MASTL: variants seen among roughly 807,000 people sequenced by gnomAD.
MASTL encodes microtubule associated serine/threonine kinase like, also known as serine/threonine-protein kinase greatwall.
A neutral mutation model predicts 82.5 loss-of-function variants in MASTL; 54 were observed. The observed-to-expected ratio is 0.65, with a 90% CI of 0.53 to 0.82. The LOEUF (loss-of-function observed/expected upper bound fraction) is 0.82. Among genes scored for constraint, MASTL ranks in the 40% least tolerant of loss-of-function variants. The pLI is 0.00. For synonymous variants in MASTL, 323 were observed against 368.9 expected (o/e 0.88, Z 1.43); for missense variants, 950 against 1,047.8 (o/e 0.91, Z 1.29).
chr10:27,162,730 A>G (rs182721185), intron 4 of MASTL, among the ~76,000 whole-genome samples: 3 of 152,246 alleles, frequency 2.0e-5, no homozygotes, highest in Admixed American at 2.0e-4. Flanking sequence ...GAAAGTATTA[A>G]TAATGAAAAT....
intron 7 of MASTL, among the ~76,000 whole-genome samples, chr10:27,167,631 T>C (rs1291888560): frequency 6.6e-6 from 1 of 152,226 alleles, no homozygotes. Context: ...TTAACCTATG[T>C]CATTTAAAAA....
At position 27,174,891 on chromosome 10, in the gene MASTL, G is replaced by A. The variant is rs543816407; in HGVS notation, c.2266+1632G>A. On this transcript the variant is annotated intron_variant, in intron 9 of 11. Transcript: ENST00000375940. ...GGACTTAAACATAGCTTTTTTGGGA[G>A]GGACACAGTTCAACCCATAACATCA... Among the ~76,000 whole-genome samples the A allele has an allele frequency of 2.0e-5, 3 of 152,104 alleles. No homozygotes were observed. The South Asian group carries it at 6.2e-4, about 32-fold the overall frequency.
intron 9 of MASTL, among the ~76,000 whole-genome samples, chr10:27,178,878 A>T (rs1299159740): frequency 6.6e-6 from 1 of 152,126 alleles, no homozygotes; most frequent in Admixed American, 6.6e-5. Context: ...ATGTTTTTAT[A>T]GTATTATAGA....
At position 27,181,541 on chromosome 10, in the gene MASTL, A is replaced by G. The variant is rs375011838; in HGVS notation, c.2442A>G (p.Ile814Met). The G allele has an allele frequency of 9.3e-6, 15 of 1,613,012 alleles. No individual in the cohort carries two copies. The highest frequency in any genetic ancestry group is 1.6e-4 in the Middle Eastern group (1 of 6,078). ...LSDNAQSAVE[I>M]LLTIDDTKRA... ...ATAATGCTCAAAGTGCAGTAGAAAT[A>G]CTTTTAACCATTGATGATACAAAGA... The change falls in exon 11 of 12, where the codon ATA becomes ATG. Residue 814 changes from isoleucine to methionine, a missense_variant. Physicochemically the swap from Ile to Met is conservative, Grantham distance 10. Transcript: ENST00000375940.
At position 27,170,857 on chromosome 10, in the gene MASTL, A is replaced by G. The variant is rs2057909157; in HGVS notation, c.1898A>G (p.Gln633Arg). The change falls in exon 8 of 12, where the codon CAA becomes CGA. Residue 633 changes from glutamine (Q) to arginine (R), a missense_variant. Coordinates refer to ENST00000375940, the MANE Select transcript of MASTL (RefSeq NM_001172303.3). ...VENPAVQESNQKMLGPPLEVL... is the reference protein window; with the variant it reads ...VENPAVQESNRKMLGPPLEVL... ...AACCCTGCTGTACAAGAGAGTAACCAAAAAATGTTAGGTCCTCCTTTGGAG... is the reference window on the plus strand; with the variant it reads ...AACCCTGCTGTACAAGAGAGTAACCGAAAAATGTTAGGTCCTCCTTTGGAG... 18 of 1,614,036 alleles carry G rather than the reference A, an allele frequency of 1.1e-5. No homozygotes were observed. Among genetic ancestry groups the G allele is most frequent in the Non-Finnish European group, 1.5e-5 (18 of 1,180,002 alleles).
chr10:27,176,262 C>G (rs2058099308), intron 9 of MASTL, among the ~76,000 whole-genome samples: 1 of 152,204 alleles, frequency 6.6e-6, no homozygotes, highest in African/African-American at 2.4e-5. Context: ...TCATTTTCTT[C>G]TCTGCCACTG....
At chr10:27,169,808 A>AT (rs2057861831) in intron 7 of MASTL, 136 bp from the exon 8 acceptor site, 1 of 763,538 alleles carries the variant, frequency 1.3e-6, no homozygotes, top group Non-Finnish European at 2.1e-6. Flanking sequence ...TCTGTTGTTT[A>AT]TTTTTTCCAT....
intron 1 of MASTL, among the ~76,000 whole-genome samples, chr10:27,156,694 T>C (rs2057395885): frequency 6.6e-6 from 1 of 150,700 alleles, no homozygotes; most frequent in South Asian, 2.1e-4. Flanking sequence ...TTAGCCGAGA[T>C]TGAATTTAGC....
chr10:27,158,678 G>A lies in MASTL; in HGVS notation c.316G>A (p.Val106Ile). 6.2e-7 allele frequency: 1 copy of A among 1,613,978 alleles called. No individual in the cohort carries two copies. The highest frequency in any genetic ancestry group is 8.5e-7 in the Non-Finnish European group (1 of 1,179,884). Residue 106 changes from valine (V) to isoleucine (I), a missense_variant, in exon 2 of 12, where the codon GTC becomes ATC. Coordinates refer to ENST00000375940, the MANE Select transcript of MASTL (RefSeq NM_001172303.3). ...TTATTCACTGCAGTCTGCAAACAAT[G>A]TCTACTTGGTGAGTAAATAATTTTT... ...LYYSLQSANN[V>I]YLVMEYLIGG... is the part of the protein sequence containing the mutation.
Position 27,181,059 on chromosome 10 carries a change from G to A in MASTL, c.2373G>A (p.Leu791=), listed in dbSNP as rs2058261713. The change falls in exon 10 of 12, where the codon CTG becomes CTA. Residue 791 remains leucine (L), a synonymous_variant. Coordinates refer to ENST00000375940, the MANE Select transcript of MASTL (RefSeq NM_001172303.3). ...CACAACAAGTATTCCAGAATATTCT[G>A]AAAAGAGGTGATTCTTTTTCTCCTA... ...ETPQQVFQNI[L]KRDIPWPEGE... 6.3e-7 allele frequency: 1 copy of A among 1,575,698 alleles called. No individual in the cohort carries two copies. The highest frequency in any genetic ancestry group is 1.7e-5 in the Admixed American group (1 of 59,932).
At chr10:27,157,998 G>C (rs1366228473) in intron 1 of MASTL, among the ~76,000 whole-genome samples, 2 of 152,092 alleles carry the variant, frequency 1.3e-5, no homozygotes, top group Non-Finnish European at 2.9e-5. Context: ...TTAATATGCA[G>C]GGCAGTCTGG....
intron 1 of MASTL, among the ~76,000 whole-genome samples, chr10:27,156,831 T>G (rs1349893473): frequency 1.8e-5 from 2 of 113,488 alleles, no homozygotes; most frequent in Non-Finnish European, 3.6e-5. Flanking sequence ...TGCTATGAAT[T>G]TTTTTTTTTT....
intron 4 of MASTL, among the ~76,000 whole-genome samples, chr10:27,163,296 G>T (rs12266154): frequency 0.1 from 15,326 of 152,110 alleles, 2,530 homozygotes; most frequent in African/African-American, 0.35. Context: ...ATAATATGCA[G>T]TATATTTACC....
At position 27,170,770 on chromosome 10, in the gene MASTL, T is replaced by C. The variant is rs2057905370; in HGVS notation, c.1811T>C (p.Ile604Thr). 2 of 1,614,122 alleles carry C rather than the reference T, an allele frequency of 1.2e-6. No homozygotes were observed. The highest frequency in any genetic ancestry group is 1.7e-6 in the Non-Finnish European group (2 of 1,180,000). The change falls in exon 8 of 12, where the codon ATT becomes ACT. Residue 604 changes from isoleucine to threonine, a missense_variant. By Grantham distance (89) the Ile-to-Thr change is moderately conservative (BLOSUM62 -1). Coordinates refer to ENST00000375940, the MANE Select transcript of MASTL (RefSeq NM_001172303.3). ...IKESSFEESN[I>T]EDPLIVTPDC... is the part of the protein sequence containing the mutation. ...GAATCCTCTTTTGAAGAATCAAATA[T>C]TGAAGATCCACTTATTGTAACACCA...
At chr10:27,171,491 A>G (rs1846243060) in intron 8 of MASTL, among the ~76,000 whole-genome samples, 1 of 151,134 alleles carries the variant, frequency 6.6e-6, no homozygotes, top group African/African-American at 2.4e-5. Context: ...GGAGTGCAGT[A>G]GTGTGATCTT....
chr10:27,156,848 T>TTTG (rs1554810432), intron 1 of MASTL, among the ~76,000 whole-genome samples: 3 of 138,896 alleles, frequency 2.2e-5, no homozygotes, highest in African/African-American at 8.2e-5. Flanking sequence ...TTTTTTTTTT[T>TTTG]GAGATAGAGT....
At chr10:27,174,683 C>T (rs2136109792) in intron 9 of MASTL, among the ~76,000 whole-genome samples, 1 of 152,202 alleles carries the variant, frequency 6.6e-6, no homozygotes, top group South Asian at 2.1e-4. Context: ...CCAGTTCTCC[C>T]TCTTTCTGTG....
rs2058827729 is a variant in MASTL, at chr10:27,187,351, A to C, written c.*815A>C. Among the ~76,000 whole-genome samples the C allele has an allele frequency of 6.6e-6, 1 of 152,164 alleles. No homozygotes were observed. Among genetic ancestry groups the C allele is most frequent in the African/African-American group, 2.4e-5 (1 of 41,436 alleles). ...CCTTCACTTAGTAACTCCTTTGGGG[A>C]ATAAGGAATAAACAAAAAGACTAAG... On this transcript the variant is annotated 3_prime_UTR_variant, in exon 12 of 12. Coordinates refer to ENST00000375940, the MANE Select transcript of MASTL (RefSeq NM_001172303.3).
chr10:27,186,349 C>T, intron 11 of MASTL, 30 bp from the exon 12 acceptor site: 1 of 1,599,998 alleles, frequency 6.3e-7, no homozygotes, highest in Non-Finnish European at 8.6e-7. Flanking sequence ...GTAATGATAT[C>T]ATACTGTTTT....
Sources: allele counts gnomAD v4.1 joint callset (sites outside exome capture counted in the v4.1 genomes callset), GRCh38; gene constraint gnomAD v4.1.1; transcripts MANE v1.5; gene names NCBI Gene and HGNC (gene_info 2026-07-23, HGNC 2026-07-21).